The following MED13L variants were observed in gnomAD, a reference collection of about 807,000 sequenced individuals.
MED13L encodes the protein mediator complex subunit 13L, also known as mediator of RNA polymerase II transcription subunit 13-like.
In MED13L, 7 loss-of-function variants were observed where a neutral mutation model predicts 220.9. The observed-to-expected ratio is 0.03, with a 90% CI of 0.02 to 0.06. MED13L has a LOEUF of 0.06. MED13L is among the 10% of genes least tolerant of loss of function. MED13L has a pLI of 1.00. For synonymous variants in MED13L, 1,011 were observed against 1,015.2 expected, an observed-to-expected ratio of 1.00 and a Z score of 0.08; for missense variants, 1,965 against 2,760.5, an observed-to-expected ratio of 0.71 and a Z score of 6.46.
chr12:116,205,322 T>A (rs1365939822), intron 2 of MED13L, among the ~76,000 whole-genome samples: 1 of 151,314 alleles, frequency 6.6e-6, no homozygotes, highest in African/African-American at 2.4e-5. Context: ...TCAAGTCGTG[T>A]TTTTTTTAAC....
In MED13L at chr12:115,975,726, T is replaced by C. The variant is rs1454002449; in HGVS notation, c.5377A>G (p.Ile1793Val). 3 of 1,613,762 alleles carry C rather than the reference T, an allele frequency of 1.9e-6. No individual in the cohort carries two copies. Among genetic ancestry groups the C allele is most frequent in the African/African-American group, 1.3e-5 (1 of 74,882 alleles). The change falls in exon 24 of 31, where the codon ATC becomes GTC. Residue 1793 changes from isoleucine (I) to valine (V), a missense_variant. Around this residue, in one of 10 missense-constraint regions of MED13L, gnomAD observed 510 missense variants for 620.4 expected, o/e 0.82. Transcript: ENST00000281928. Reference protein sequence around the residue: ...TLKNPERPSPIQLYSPPFILA... With the variant: ...TLKNPERPSPVQLYSPPFILA... The stretch of plus-strand genomic sequence containing the variant: ...ATAAAGGGAGGGGAGTAAAGCTGGA[T>C]TGGGCTGGGCCGCTGAAATCAAAAC...
At chr12:116,134,405 G>A (rs1876342938) in intron 2 of MED13L, among the ~76,000 whole-genome samples, 1 of 152,134 alleles carries the variant, frequency 6.6e-6, no homozygotes, top group Non-Finnish European at 1.5e-5. Context: ...ATATTAATAA[G>A]AAAATTTTTA....
At chr12:115,975,489 G>T (rs770213501) in intron 24 of MED13L, 26 bp downstream of exon 24, 2 of 1,605,124 alleles carry the variant, frequency 1.2e-6, no homozygotes, top group Non-Finnish European at 1.7e-6. Context: ...TAATTTACAT[G>T]CACCATAAAC....
chr12:116,134,568 G>A (rs1001408667), intron 2 of MED13L, among the ~76,000 whole-genome samples: 2 of 152,192 alleles, frequency 1.3e-5, no homozygotes, highest in Admixed American at 1.3e-4. Context: ...AAATTCAGCA[G>A]TGAACAGATT....
intron 4 of MED13L, among the ~76,000 whole-genome samples, chr12:116,077,129 CTCT>C (rs1242836942): frequency 6.6e-6 from 1 of 152,214 alleles, no homozygotes; most frequent in Non-Finnish European, 1.5e-5. Flanking sequence ...TCATAAATAT[CTCT>C]TCTTTACTAG....
Position 115,961,186 on chromosome 12 carries a change from A to G in MED13L, c.*80T>C. 1 of 1,559,076 alleles carries G rather than the reference A, an allele frequency of 6.4e-7. No individual in the cohort carries two copies. Among genetic ancestry groups the G allele is most frequent in the Non-Finnish European group, 8.8e-7 (1 of 1,131,252 alleles). On this transcript the variant is annotated 3_prime_UTR_variant, in exon 31 of 31. Coordinates refer to ENST00000281928, the MANE Select transcript of MED13L (RefSeq NM_015335.5). ...TGGTCTGAAGAAAAGGATGTGGGTT[A>G]TTTGCAGAGTGTAGCAGGTTCCTTG...
chr12:115,969,123 ACAAAAAT>A (rs780366593), intron 27 of MED13L, 26 bp from the exon 28 acceptor site: 1 of 1,609,760 alleles, frequency 6.2e-7, no homozygotes. Flanking sequence ...GAAAAAAAGC[ACAAAAAT>A]TAAAAAGATA....
At chr12:116,103,705 T>C (rs777202312) in intron 3 of MED13L, among the ~76,000 whole-genome samples, 5 of 152,248 alleles carry the variant, frequency 3.3e-5, no homozygotes, top group African/African-American at 4.8e-5. Context: ...CATTTACAAA[T>C]AGACATGTGC....
chr12:116,039,921 A>G (rs1269908048), intron 4 of MED13L, among the ~76,000 whole-genome samples: 1 of 152,162 alleles, frequency 6.6e-6, no homozygotes, highest in African/African-American at 2.4e-5. Flanking sequence ...GATGGTATTT[A>G]AAGGCAGTAG....
chr12:116,099,435 T>G (rs1191014989), intron 3 of MED13L, among the ~76,000 whole-genome samples: 1 of 152,212 alleles, frequency 6.6e-6, no homozygotes, highest in Non-Finnish European at 1.5e-5. Flanking sequence ...CGTCAAACAC[T>G]GAACAGTCTT....
At chr12:116,036,299 T>G (rs2137522742) in intron 4 of MED13L, among the ~76,000 whole-genome samples, 1 of 152,334 alleles carries the variant, frequency 6.6e-6, no homozygotes, top group South Asian at 2.1e-4. Flanking sequence ...GAGAAAATAA[T>G]ATGTGTCTAG....
chr12:116,087,768 A>T (rs1477268287), intron 4 of MED13L, among the ~76,000 whole-genome samples: 2 of 152,204 alleles, frequency 1.3e-5, no homozygotes, highest in Non-Finnish European at 2.9e-5. Context: ...AAGGGCTGTT[A>T]AGAAACATTT....
intron 1 of MED13L, among the ~76,000 whole-genome samples, chr12:116,253,477 A>C (rs1039764457): frequency 5.3e-5 from 8 of 152,066 alleles, no homozygotes; most frequent in Non-Finnish European, 1.2e-4. Context: ...CATGATACCA[A>C]AACCAAACAG....
chr12:116,084,190 T>A (rs1871441501), intron 4 of MED13L, among the ~76,000 whole-genome samples: 2 of 152,208 alleles, frequency 1.3e-5, no homozygotes. Flanking sequence ...TAGCACCACG[T>A]GTTTCTAAGG....
intron 4 of MED13L, among the ~76,000 whole-genome samples, chr12:116,028,655 C>T (rs1419572666): frequency 4.6e-5 from 7 of 152,176 alleles, no homozygotes; most frequent in African/African-American, 1.4e-4. Flanking sequence ...ATCTCCCTAA[C>T]TGCTATAGGC....
intron 4 of MED13L, among the ~76,000 whole-genome samples, chr12:116,057,205 G>C (rs1197536828): frequency 2.0e-5 from 3 of 152,082 alleles, no homozygotes; most frequent in Non-Finnish European, 4.4e-5. Flanking sequence ...TCGAACACAA[G>C]CCCATAAAAT....
intron 4 of MED13L, among the ~76,000 whole-genome samples, chr12:116,046,527 A>G (rs1426941010): frequency 1.3e-5 from 2 of 152,230 alleles, no homozygotes; most frequent in African/African-American, 4.8e-5. Flanking sequence ...TTTTAACAAT[A>G]TAGCAGTAAA....
chr12:116,197,419 T>C (rs1429582213), intron 2 of MED13L, among the ~76,000 whole-genome samples: 1 of 152,114 alleles, frequency 6.6e-6, no homozygotes, highest in African/African-American at 2.4e-5. Context: ...ACTACTTTAT[T>C]TTCATCAGTA....
chr12:116,008,365 C>T lies in MED13L; in HGVS notation c.2012+36G>A, dbSNP rs995262936. 9.5e-6 allele frequency: 15 copies of T among 1,576,032 alleles called. No homozygotes were observed. In the East Asian group the frequency reaches 1.3e-4, roughly 14 times the overall value. ...GATGGGGAGGGAGCCCATGCCCTTC[C>T]GGTGGACGGGTGGGTGGTGCAGAGA... is the stretch of plus-strand genomic sequence containing the variant. On this transcript the variant is annotated intron_variant, in intron 10 of 30. Coordinates refer to ENST00000281928, the MANE Select transcript of MED13L (RefSeq NM_015335.5).
Sources: allele counts gnomAD v4.1 joint callset (sites outside exome capture counted in the v4.1 genomes callset), GRCh38; gene constraint gnomAD v4.1.1; regional missense constraint gnomAD v4.1.1; transcripts MANE v1.5; gene names NCBI Gene and HGNC (gene_info 2026-07-23, HGNC 2026-07-21).